The following PCDH19 variants were observed in gnomAD, a reference collection of about 807,000 sequenced individuals.
PCDH19 encodes the protein protocadherin-19.
In PCDH19, 6 loss-of-function variants were observed where a neutral mutation model predicts 46.2. The ratio of observed to expected loss-of-function variants is 0.13; its 90% CI spans 0.07 to 0.26. The LOEUF is 0.26. Among genes scored for constraint, PCDH19 ranks in the 10% least tolerant of loss-of-function variants. PCDH19 has a pLI of 1.00. For missense variants in PCDH19, 740 were observed against 972.3 expected (o/e 0.76, Z 3.18); for synonymous variants, 481 against 415.7 (o/e 1.16, Z -1.91).
At chrX:100,316,786 AAAACT>A (rs1925321249) in intron 5 of PCDH19, among the ~76,000 whole-genome samples, 1 of 112,505 alleles carries the variant, frequency 8.9e-6, no homozygotes, top group Non-Finnish European at 1.9e-5. Context: ...TCAAGAAAAC[AAAACT>A]GAGTCCAAAT....
rs749870303 is a variant in PCDH19, at chrX:100,371,024, T to TGG, written c.2617-20322_2617-20321dup. Among the ~76,000 whole-genome samples, 967 of 108,002 alleles carry TGG rather than the reference T, an allele frequency of 9.0e-3. 15 individuals carry two copies. The highest frequency in any genetic ancestry group is 0.031 in the African/African-American group (920 of 29,730). The allele number at this position is 108,002 out of a possible 115,157, so 93.8% of individuals were successfully genotyped here. ...GTGTGTGTGTGTGTGTGTGTGTGTG[T>TGG]GGGTGTGTGTGTATGCATGTGTTTA... is the stretch of plus-strand genomic sequence containing the variant. On this transcript the variant is annotated intron_variant, in intron 3 of 5. Coordinates refer to ENST00000373034, the MANE Select transcript of PCDH19 (RefSeq NM_001184880.2).
At chrX:100,313,396 G>T (rs1159554238) in intron 5 of PCDH19, among the ~76,000 whole-genome samples, 1 of 111,450 alleles carries the variant, frequency 9.0e-6, no homozygotes, top group Non-Finnish European at 1.9e-5. Flanking sequence ...TCCATTCTGA[G>T]ATTCCAATTC....
intron 5 of PCDH19, among the ~76,000 whole-genome samples, chrX:100,325,978 T>C (rs1246476993): frequency 3.6e-5 from 4 of 112,281 alleles, no homozygotes; most frequent in African/African-American, 1.3e-4. Flanking sequence ...CTTTATGCAA[T>C]AGAACTGCAG....
At chrX:100,299,665 C>A (rs185084761) in intron 5 of PCDH19, among the ~76,000 whole-genome samples, 5 of 111,245 alleles carry the variant, frequency 4.5e-5, no homozygotes, top group Non-Finnish European at 9.4e-5. Context: ...TTCAGCTGAC[C>A]CACTGTCTAA....
At chrX:100,369,515 G>T (rs950490050) in intron 3 of PCDH19, among the ~76,000 whole-genome samples, 3 of 112,259 alleles carry the variant, frequency 2.7e-5, no homozygotes, top group Non-Finnish European at 3.8e-5. Flanking sequence ...GCTGGTCCTA[G>T]ACTCAAATAC....
At chrX:100,404,818 C>T (rs998808305) in intron 1 of PCDH19, among the ~76,000 whole-genome samples, 3 of 110,912 alleles carry the variant, frequency 2.7e-5, no homozygotes, top group African/African-American at 9.8e-5. Flanking sequence ...AAAAAGAGTC[C>T]TCTCCATAAT....
intron 5 of PCDH19, among the ~76,000 whole-genome samples, chrX:100,322,836 TATATATATATATATATATATATATATATA>T (rs1925538868): frequency 8.5e-5 from 1 of 11,762 alleles, no homozygotes; most frequent in Non-Finnish European, 2.6e-4. Flanking sequence ...TTCCTAAGTA[TATATATATATATATATATATATATATATA>T]TTTTTGCAGC....
At chrX:100,399,128 T>C (rs1455585187) in intron 3 of PCDH19, among the ~76,000 whole-genome samples, 1 of 111,980 alleles carries the variant, frequency 8.9e-6, no homozygotes, top group Non-Finnish European at 1.9e-5. Context: ...AATGAACAAA[T>C]GAAAGAATGG....
rs923164698 is a variant in PCDH19 at position 100,408,848 on chromosome X, C to G, written c.-251G>C. ...CGGGGGCTCCGAGGGGCCAAGGGAGCGCCGCGCGGCCCCGAGCCCCCTCCC... is the reference window on the plus strand; with the variant it reads ...CGGGGGCTCCGAGGGGCCAAGGGAGGGCCGCGCGGCCCCGAGCCCCCTCCC... On this transcript the variant is annotated 5_prime_UTR_variant, in exon 1 of 6. Transcript: ENST00000373034. 8.5e-6 allele frequency: 1 copy of G among 117,339 alleles called. No individual in the cohort carries two copies. The highest frequency in any genetic ancestry group is 1.8e-5 in the Non-Finnish European group (1 of 56,775). 9.7% of individuals were successfully genotyped at this position (117,339 alleles called of 1,213,427 possible). A position where few individuals can be genotyped will look rare whatever the true frequency, so the allele number is the denominator to read the frequency against.
intron 3 of PCDH19, among the ~76,000 whole-genome samples, chrX:100,373,829 C>T (rs1927294339): frequency 8.9e-6 from 1 of 112,894 alleles, no homozygotes; most frequent in South Asian, 3.6e-4. Context: ...AAGCAGGGCT[C>T]TGCTAAAAGT....
At chrX:100,381,772 A>G (rs1314521054) in intron 3 of PCDH19, among the ~76,000 whole-genome samples, 1 of 112,022 alleles carries the variant, frequency 8.9e-6, no homozygotes, top group Non-Finnish European at 1.9e-5. Context: ...TATTTTGCAC[A>G]TTTCACAATG....
At chrX:100,359,522 T>C (rs778734305) in intron 3 of PCDH19, among the ~76,000 whole-genome samples, 1 of 111,443 alleles carries the variant, frequency 9.0e-6, no homozygotes, top group Admixed American at 9.5e-5. Context: ...ATAGTCATGA[T>C]GGTGGTTTCA....
chrX:100,360,992 G>A (rs1190137758), intron 3 of PCDH19, among the ~76,000 whole-genome samples: 1 of 111,724 alleles, frequency 9.0e-6, no homozygotes, highest in East Asian at 2.8e-4. Context: ...GATGAGGGTG[G>A]GTTAGAATTT....
chrX:100,344,401 A>G (rs763176657), intron 4 of PCDH19, among the ~76,000 whole-genome samples: 1 of 111,653 alleles, frequency 9.0e-6, no homozygotes, highest in South Asian at 3.8e-4. Context: ...TTTTCTGTAA[A>G]TACTATTATA....
chrX:100,356,623 G>C (rs921668457), intron 3 of PCDH19, among the ~76,000 whole-genome samples: 2 of 111,576 alleles, frequency 1.8e-5, no homozygotes, highest in African/African-American at 6.5e-5. Flanking sequence ...AGTGAAGGTG[G>C]AATAAAAGGC....
chrX:100,323,433 G>T (rs770657772), intron 5 of PCDH19, among the ~76,000 whole-genome samples: 1 of 111,776 alleles, frequency 8.9e-6, no homozygotes, highest in Non-Finnish European at 1.9e-5. Flanking sequence ...GCAGAACAAT[G>T]CCCTGAAGTC....
intron 5 of PCDH19, among the ~76,000 whole-genome samples, chrX:100,306,673 CAAGAA>C (rs1169493031): frequency 9.3e-6 from 1 of 107,969 alleles, no homozygotes; most frequent in Non-Finnish European, 1.9e-5. Flanking sequence ...CAAGATTAAC[CAAGAA>C]AAGAAGAGAG....
At chrX:100,343,873 G>C (rs941401351) in intron 4 of PCDH19, among the ~76,000 whole-genome samples, 2 of 111,782 alleles carry the variant, frequency 1.8e-5, no homozygotes, top group African/African-American at 6.5e-5. Context: ...CTCAACCTTG[G>C]ACATTCACAG....
intron 1 of PCDH19, among the ~76,000 whole-genome samples, chrX:100,405,666 TA>T (rs1928324686): frequency 9.3e-6 from 1 of 107,132 alleles, no homozygotes; most frequent in Non-Finnish European, 1.9e-5. Flanking sequence ...AACCAGATCT[TA>T]ATGCCACAAC....
Sources: allele counts gnomAD v4.1 joint callset (sites outside exome capture counted in the v4.1 genomes callset), GRCh38; gene constraint gnomAD v4.1.1; transcripts MANE v1.5; gene names NCBI Gene and HGNC (gene_info 2026-07-23, HGNC 2026-07-21).